The following NBPF26 variants were observed in gnomAD, a reference collection of about 807,000 sequenced individuals.
NBPF26 encodes the protein NBPF member 26.
In NBPF26, 79 loss-of-function variants were observed where a neutral mutation model predicts 119.6. The observed-to-expected ratio is 0.66, with a 90% CI of 0.55 to 0.80. The LOEUF (loss-of-function observed/expected upper bound fraction) is 0.80. Among genes scored for constraint, NBPF26 ranks in the 30% least tolerant of loss-of-function variants. The pLI is 0.00. For synonymous variants in NBPF26, 299 were observed against 457.7 expected, an observed-to-expected ratio of 0.65 and a Z score of 4.43; for missense variants, 800 against 1,198.2, an observed-to-expected ratio of 0.67 and a Z score of 4.91.
In NBPF26 at chr1:120,727,422, G is replaced by A. The variant is rs1255045631; in HGVS notation, c.73+3172G>A. On this transcript the variant is annotated intron_variant, in intron 1 of 29. Coordinates refer to ENST00000620612, the Ensembl canonical transcript of NBPF26. ...AAGAATTTTAAAATTGCTAACATAA[G>A]AGATATAGAATATAATGTCATTTCT... Among the ~76,000 whole-genome samples the A allele has an allele frequency of 8.9e-4, 104 of 116,406 alleles. 43 individuals carry two copies. Among genetic ancestry groups the A allele is most frequent in the African/African-American group, 5.2e-3 (102 of 19,680 alleles). The allele number at this position is 116,406 out of a possible 152,430, so 76.4% of individuals were successfully genotyped here.
rs1370757491 is a variant in NBPF26, at chr1:120,816,927, C to G, written c.2371+100C>G. On this transcript the variant is annotated intron_variant, in intron 14 of 29. Transcript: ENST00000620612. ...AACACAAATTCATTTGAATAAAAAA[C>G]TGTGATGGGTTTCTAAACAGATATC... 2,207 of 1,150,908 alleles carry G rather than the reference C, an allele frequency of 1.9e-3. 445 individuals are homozygous for G. The South Asian group carries it at 0.028, about 14-fold the overall frequency. 71.3% of individuals were successfully genotyped at this position (1,150,908 alleles called of 1,614,324 possible). A position where few individuals can be genotyped will look rare whatever the true frequency, so the allele number is the denominator to read the frequency against.
chr1:120,840,892 AT>A, downstream of NBPF26: 2 of 454,340 alleles, frequency 4.4e-6, 1 homozygote, highest in Middle Eastern at 1.2e-3. Context: ...CAGGGATGTC[AT>A]TTTGCAGGCA....
At chr1:120,730,009 A>G (rs1650858522) in intron 1 of NBPF26, among the ~76,000 whole-genome samples, 1 of 100,492 alleles carries the variant, frequency 1.0e-5, no homozygotes, top group Non-Finnish European at 1.8e-5. Context: ...CTGCTATGGT[A>G]TAAGGTTAGT....
intron 4 of NBPF26, among the ~76,000 whole-genome samples, chr1:120,801,521 T>TAAAA (rs1193360933): frequency 1.6e-5 from 1 of 61,052 alleles, no homozygotes; most frequent in African/African-American, 1.3e-4. Flanking sequence ...GTATTTTCAT[T>TAAAA]AAAAAAAAAA....
At chr1:120,830,197 CCTCTCT>C (rs1327491560) in intron 19 of NBPF26, among the ~76,000 whole-genome samples, 2 of 117,440 alleles carry the variant, frequency 1.7e-5, no homozygotes, top group African/African-American at 9.5e-5. Flanking sequence ...CTCACTTTCT[CCTCTCT>C]CTCTCTCTCT....
In NBPF26 at chr1:120,777,762, A is replaced by T. The variant is rs1312482820; in HGVS notation, c.156-7212A>T. Among the ~76,000 whole-genome samples, 62 of 99,174 alleles carry T rather than the reference A, an allele frequency of 6.3e-4. 22 individuals are homozygous for T. The highest frequency in any genetic ancestry group is 4.0e-3 in the African/African-American group (60 of 14,894). 65.1% of individuals were successfully genotyped at this position (99,174 alleles called of 152,430 possible). On this transcript the variant is annotated intron_variant, in intron 2 of 29. Coordinates refer to ENST00000620612, the Ensembl canonical transcript of NBPF26. ...TTTTCCCCTCTTTACCAGGAAGTTA[A>T]CTAGAAGTCCTCATGCATGTTTTTA... is the stretch of plus-strand genomic sequence containing the variant.
rs1373772506 is a variant in NBPF26, at chr1:120,729,806, T to C, written c.73+5556T>C. Among the ~76,000 whole-genome samples the C allele has an allele frequency of 2.6e-5, 3 of 114,744 alleles. 1 individual carries two copies. The highest frequency in any genetic ancestry group is 2.2e-4 in the East Asian group (1 of 4,650). 75.3% of individuals were successfully genotyped at this position (114,744 alleles called of 152,430 possible). On this transcript the variant is annotated intron_variant, in intron 1 of 29. Transcript: ENST00000620612. ...TCTGGGAATTTGTGTGTTCAAGAAA[T>C]AGCCAGGTGATTCTTACATTAGGAA...
intron 6 of NBPF26, 87 bp from the exon 7 acceptor site, chr1:120,808,458 A>T: frequency 1.8e-6 from 2 of 1,097,186 alleles, no homozygotes; most frequent in Non-Finnish European, 2.7e-6. Context: ...CTCCTTGAGG[A>T]CATTGTCTCA....
Position 120,724,195 on chromosome 1 carries a change from C to A in NBPF26, c.18C>A (p.Pro6=), listed in dbSNP as rs1183641126. Residue 6 remains proline, a synonymous_variant, in exon 1 of 30, where the codon CCC becomes CCA. Coordinates refer to ENST00000620612, the Ensembl canonical transcript of NBPF26. Reference sequence around the variant, plus strand: ...CCGAGAAGATGCCCGCCCTGCGTCCCGCTCTGCTGTGGGCGCTGCTGGCGC... The same window carrying A: ...CCGAGAAGATGCCCGCCCTGCGTCCAGCTCTGCTGTGGGCGCTGCTGGCGC... 6.4e-6 allele frequency: 9 copies of A among 1,401,210 alleles called. 1 individual carries two copies. Among genetic ancestry groups the A allele is most frequent in the Non-Finnish European group, 8.4e-6 (9 of 1,068,372 alleles). The allele number at this position is 1,401,210 out of a possible 1,614,324, so 86.8% of individuals were successfully genotyped here. A position where few individuals can be genotyped will look rare whatever the true frequency, so the allele number is the denominator to read the frequency against.
At position 120,840,599 on chromosome 1, in the gene NBPF26, C is replaced by T. The variant is rs1553273589; in HGVS notation, c.*6C>T. On this transcript the variant is annotated 3_prime_UTR_variant, in exon 30 of 30. Transcript: ENST00000620612. Reference sequence around the variant, plus strand: ...GAGTCATATTCCCACAATAAGCAGCCCTTACTAAGCCGAGAGGTGTCATTC... The same window carrying T: ...GAGTCATATTCCCACAATAAGCAGCTCTTACTAAGCCGAGAGGTGTCATTC... The T allele has an allele frequency of 2.1e-5, 30 of 1,461,916 alleles. 7 individuals carry two copies. The highest frequency in any genetic ancestry group is 4.8e-4 in the Middle Eastern group (2 of 4,192). The allele number at this position is 1,461,916 out of a possible 1,614,324, so 90.6% of individuals were successfully genotyped here. A position where few individuals can be genotyped will look rare whatever the true frequency, so the allele number is the denominator to read the frequency against.
At chr1:120,808,102 C>T (rs1651749596) in intron 6 of NBPF26, among the ~76,000 whole-genome samples, 1 of 119,206 alleles carries the variant, frequency 8.4e-6, no homozygotes, top group South Asian at 2.6e-4. Context: ...ATCAATGTTG[C>T]CTTCTCGACC....
rs1651306136 is a variant in NBPF26, at chr1:120,776,295, G to A, written c.156-8679G>A. Among the ~76,000 whole-genome samples the A allele has an allele frequency of 1.9e-5, 2 of 107,932 alleles. 1 individual carries two copies. Among genetic ancestry groups the A allele is most frequent in the Non-Finnish European group, 3.5e-5 (2 of 57,820 alleles). 70.8% of individuals were successfully genotyped at this position (107,932 alleles called of 152,430 possible). The stretch of plus-strand genomic sequence containing the variant: ...TCACAGGAAATAACATTTAAGTTGA[G>A]ACTTAATGAAATTTTAGGGCTTAGC... On this transcript the variant is annotated intron_variant, in intron 2 of 29. Transcript: ENST00000620612.
intron 1 of NBPF26, among the ~76,000 whole-genome samples, chr1:120,756,217 A>C (rs2101392622): frequency 8.8e-6 from 1 of 113,062 alleles, no homozygotes; most frequent in Non-Finnish European, 1.7e-5. Context: ...TAATGCAGGC[A>C]GTCATTTTAG....
rs1408844334 is a variant in NBPF26, at chr1:120,813,481, G to T, written c.1775-410G>T. Among the ~76,000 whole-genome samples the T allele has an allele frequency of 1.4e-4, 18 of 126,984 alleles. 5 individuals carry two copies. The highest frequency in any genetic ancestry group is 3.0e-4 in the Admixed American group (4 of 13,304). 83.3% of individuals were successfully genotyped at this position (126,984 alleles called of 152,430 possible). On this transcript the variant is annotated intron_variant, in intron 10 of 29. Coordinates refer to ENST00000620612, the Ensembl canonical transcript of NBPF26. ...TGTCCTTGAAATTCCCAGTAAAAGG[G>T]AAACCATCAGTCCCATAGTCCTAGG...
intron 1 of NBPF26, among the ~76,000 whole-genome samples, chr1:120,758,895 A>T (rs1369605815): frequency 1.2e-5 from 1 of 86,144 alleles, no homozygotes; most frequent in Non-Finnish European, 2.1e-5. Flanking sequence ...CCTTTCCTAG[A>T]CACTATCTGA....
intron 1 of NBPF26, among the ~76,000 whole-genome samples, chr1:120,756,138 G>A (rs1211657663): frequency 8.9e-6 from 1 of 112,962 alleles, no homozygotes; most frequent in Non-Finnish European, 1.7e-5. Context: ...GAAATTGCAG[G>A]GCGCTATGAG....
chr1:120,818,008 T>G, intron 14 of NBPF26, 115 bp from the exon 15 acceptor site: 2 of 496,520 alleles, frequency 4.0e-6, no homozygotes, highest in Non-Finnish European at 6.9e-6. Context: ...CCTGTCAGAA[T>G]CCTTATTCTT....
In NBPF26 at chr1:120,811,869, G is replaced by C. The variant is rs1184732606; in HGVS notation, c.1565-17G>C. On this transcript the variant is annotated splice_polypyrimidine_tract_variant and intron_variant, in intron 9 of 29. Transcript: ENST00000620612. ...CCAGTTTTTAACCCATCATGTGTTT[G>C]CCTTTCTTCTCCCCAGTCCCTGGCC... is the stretch of plus-strand genomic sequence containing the variant. 2.3e-5 allele frequency: 18 copies of C among 789,354 alleles called. 1 individual carries two copies. Among genetic ancestry groups the C allele is most frequent in the Non-Finnish European group, 3.5e-5 (17 of 486,196 alleles). The allele number at this position is 789,354 out of a possible 1,614,324, so 48.9% of individuals were successfully genotyped here. A position where few individuals can be genotyped will look rare whatever the true frequency, so the allele number is the denominator to read the frequency against.
intron 2 of NBPF26, among the ~76,000 whole-genome samples, chr1:120,765,745 G>A (rs1365744612): frequency 0.05 from 6,097 of 121,654 alleles, 807 homozygotes; most frequent in African/African-American, 0.15. Context: ...GCCCAACGGT[G>A]ATAGACTGGA....
Sources: gnomAD v4.1 joint callset for allele counts (sites outside exome capture counted in the v4.1 genomes callset) on GRCh38, gnomAD v4.1.1 for gene constraint, MANE v1.5 for transcripts, NCBI Gene and HGNC (gene_info 2026-07-23, HGNC 2026-07-21) for gene names.